The following FGF12 variants were observed in gnomAD, a reference collection of about 807,000 sequenced individuals.
FGF12 encodes fibroblast growth factor 12, also known as fibroblast growth factor 12B.
A neutral mutation model predicts 23.6 loss-of-function variants in FGF12; 14 were observed. The ratio of observed to expected loss-of-function variants is 0.59; its 90% CI spans 0.39 to 0.93. The LOEUF (loss-of-function observed/expected upper bound fraction) is 0.93. Ranked by LOEUF, FGF12 falls within the 40% of genes least tolerant of loss-of-function variation. FGF12 has a pLI of 0.00. For synonymous variants in FGF12, 62 were observed against 77.3 expected, an observed-to-expected ratio of 0.80 and a Z score of 1.04; for missense variants, 175 against 217.8, an observed-to-expected ratio of 0.80 and a Z score of 1.24.
At chr3:192,329,134 G>C (rs1373187857) in intron 4 of FGF12, among the ~76,000 whole-genome samples, 3 of 152,168 alleles carry the variant, frequency 2.0e-5, no homozygotes, top group Non-Finnish European at 4.4e-5. Flanking sequence ...ATGTGGCCCA[G>C]ATGGCCCAGA....
At chr3:192,195,212 A>C (rs1406941835) in intron 4 of FGF12, among the ~76,000 whole-genome samples, 1 of 152,112 alleles carries the variant, frequency 6.6e-6, no homozygotes, top group African/African-American at 2.4e-5. Context: ...CTTTTGTGTT[A>C]TTTTTCATGA....
At chr3:192,585,578 T>C (rs530712664) in intron 2 of FGF12, among the ~76,000 whole-genome samples, 1 of 150,480 alleles carries the variant, frequency 6.6e-6, no homozygotes, top group Non-Finnish European at 1.5e-5. Context: ...CCCAAGGAGG[T>C]TGGGCCTGTA....
intron 4 of FGF12, among the ~76,000 whole-genome samples, chr3:192,296,519 C>T (rs1316088453): frequency 6.6e-6 from 1 of 152,120 alleles, no homozygotes. Context: ...ACACTGTGCC[C>T]AGCCTCATTT....
At chr3:192,332,627 G>T (rs1305225834) in intron 4 of FGF12, among the ~76,000 whole-genome samples, 2 of 152,022 alleles carry the variant, frequency 1.3e-5, no homozygotes, top group Non-Finnish European at 2.9e-5. Context: ...GAAATCAAAA[G>T]TAACAAGGGA....
At chr3:192,479,978 G>T (rs1322845619) in intron 2 of FGF12, among the ~76,000 whole-genome samples, 2 of 151,890 alleles carry the variant, frequency 1.3e-5, no homozygotes, top group African/African-American at 2.4e-5. Context: ...ACAAAATTGG[G>T]ATTGAGAAAG....
intron 2 of FGF12, among the ~76,000 whole-genome samples, chr3:192,708,682 T>C (rs574649086): frequency 7.2e-5 from 11 of 152,294 alleles, no homozygotes; most frequent in Non-Finnish European, 1.5e-4. Flanking sequence ...AACTATAGTA[T>C]AGCACAGAAA....
At position 192,514,757 on chromosome 3, in the gene FGF12, T is replaced by G. The variant is rs535872154; in HGVS notation, c.14-154219A>C. On this transcript the variant is annotated intron_variant, in intron 2 of 5. Transcript: ENST00000445105. This position sits in a 1 kb window ranked among gnomAD's most constrained non-coding sequence, Gnocchi z 4.9. ...TTCAGAGAAAGCTCAAGAATCTTCATGGAGAAGCGCGTGTGTGGGGTTGGT... is the reference window on the plus strand; with the variant it reads ...TTCAGAGAAAGCTCAAGAATCTTCAGGGAGAAGCGCGTGTGTGGGGTTGGT... The G allele has an allele frequency of 3.0e-6, 3 of 985,186 alleles. No individual in the cohort carries two copies. The highest frequency in any genetic ancestry group is 6.1e-5 in the Admixed American group (1 of 16,268). 61.0% of individuals were successfully genotyped at this position (985,186 alleles called of 1,614,324 possible).
chr3:192,449,345 A>G (rs1333875298), intron 2 of FGF12, among the ~76,000 whole-genome samples: 4 of 152,134 alleles, frequency 2.6e-5, no homozygotes, highest in African/African-American at 9.7e-5. Flanking sequence ...GAATACTCAC[A>G]AATTGTGGTG....
At chr3:192,583,402 A>G (rs1383545813) in intron 2 of FGF12, among the ~76,000 whole-genome samples, 2 of 152,234 alleles carry the variant, frequency 1.3e-5, no homozygotes, top group African/African-American at 4.8e-5. Context: ...AAATACTGTT[A>G]CCGGTCCTAA....
intron 2 of FGF12, among the ~76,000 whole-genome samples, chr3:192,444,337 C>G (rs192814057): frequency 2.0e-5 from 3 of 152,208 alleles, no homozygotes; most frequent in Non-Finnish European, 2.9e-5. Context: ...TTCACACCTT[C>G]CAACATTTCC....
chr3:192,592,168 A>G (rs899901766), intron 2 of FGF12, among the ~76,000 whole-genome samples: 6 of 151,890 alleles, frequency 4.0e-5, no homozygotes, highest in African/African-American at 1.2e-4. Context: ...GATAGAGTAA[A>G]CAGACATTTT....
intron 4 of FGF12, among the ~76,000 whole-genome samples, chr3:192,239,175 A>T (rs1719464782): frequency 6.6e-6 from 1 of 152,184 alleles, no homozygotes; most frequent in Non-Finnish European, 1.5e-5. Context: ...GATACATAAA[A>T]AGCTAGCTCT....
At position 192,534,829 on chromosome 3, in the gene FGF12, C is replaced by G. The variant is rs375589354; in HGVS notation, c.14-174291G>C. Among the ~76,000 whole-genome samples the G allele has an allele frequency of 2.6e-4, 40 of 152,148 alleles. 1 individual carries two copies. Among genetic ancestry groups the G allele is most frequent in the African/African-American group, 9.2e-4 (38 of 41,520 alleles). On this transcript the variant is annotated intron_variant, in intron 2 of 5. Coordinates refer to ENST00000445105, the MANE Select transcript of FGF12 (RefSeq NM_004113.6). ...CATTTTAAAATTACCGATTTTAGAA[C>G]TATTTAATAATAATAAGATAACTAT...
rs1187174053 is a variant in FGF12 at position 192,423,970 on chromosome 3, C to T, written c.14-63432G>A. 2.0e-5 allele frequency among the ~76,000 whole-genome samples: 3 copies of T among 152,198 alleles called. No individual in the cohort carries two copies. In the East Asian group the frequency reaches 5.8e-4, roughly 29 times the overall value. ...GCTGAGGAAGTGGTCCAAGGTCACACTAGCATTCTAGCTCTGATCTCCGAA... is the reference window on the plus strand; with the variant it reads ...GCTGAGGAAGTGGTCCAAGGTCACATTAGCATTCTAGCTCTGATCTCCGAA... On this transcript the variant is annotated intron_variant, in intron 2 of 5. Coordinates refer to ENST00000445105, the MANE Select transcript of FGF12 (RefSeq NM_004113.6).
Position 192,640,786 on chromosome 3 carries a change from A to AC in FGF12, c.13+86394dup, listed in dbSNP as rs376426437. The stretch of plus-strand genomic sequence containing the variant: ...ATTTTTGTATAGGCTGAGAGTTAAA[A>AC]CCCCTTTTTTTTGTTTGTTTGTTTG... On this transcript the variant is annotated intron_variant, in intron 2 of 5. Coordinates refer to ENST00000445105, the MANE Select transcript of FGF12 (RefSeq NM_004113.6). 3.3e-3 allele frequency among the ~76,000 whole-genome samples: 452 copies of AC among 137,406 alleles called. 1 individual carries two copies. The highest frequency in any genetic ancestry group is 0.011 in the African/African-American group (421 of 36,756). The allele number at this position is 137,406 out of a possible 152,430, so 90.1% of individuals were successfully genotyped here.
chr3:192,544,627 G>T (rs1022436023), intron 2 of FGF12, among the ~76,000 whole-genome samples: 2 of 152,070 alleles, frequency 1.3e-5, no homozygotes, highest in African/African-American at 4.8e-5. Flanking sequence ...AAAACATATA[G>T]ATTTCTCTCT....
intron 2 of FGF12, among the ~76,000 whole-genome samples, chr3:192,680,968 T>C (rs1242333826): frequency 1.3e-5 from 2 of 152,218 alleles, no homozygotes; most frequent in Admixed American, 6.5e-5. Flanking sequence ...TAAAGACATT[T>C]AGTAAGGGCC....
rs76964121 is a variant in FGF12, at chr3:192,676,168, C to T, written c.13+51013G>A. 7.5e-3 allele frequency among the ~76,000 whole-genome samples: 1,148 copies of T among 152,296 alleles called. 18 individuals carry two copies. Among genetic ancestry groups the T allele is most frequent in the African/African-American group, 0.027 (1,122 of 41,564 alleles). On this transcript the variant is annotated intron_variant, in intron 2 of 5. Coordinates refer to ENST00000445105, the MANE Select transcript of FGF12 (RefSeq NM_004113.6). Reference sequence around the variant, plus strand: ...TAAAAGCATGACTCAGTTCTTCCTCCCCTCTTGCGATGAGTGCTTGGAATC... The same window carrying T: ...TAAAAGCATGACTCAGTTCTTCCTCTCCTCTTGCGATGAGTGCTTGGAATC...
At chr3:192,596,897 C>T (rs970530312) in intron 2 of FGF12, among the ~76,000 whole-genome samples, 3 of 152,134 alleles carry the variant, frequency 2.0e-5, no homozygotes, top group Non-Finnish European at 2.9e-5. Flanking sequence ...TAAAACTTTG[C>T]AAAGAGGAAG....
Sources: allele counts gnomAD v4.1 joint callset (sites outside exome capture counted in the v4.1 genomes callset), GRCh38; gene constraint gnomAD v4.1.1; non-coding constraint Gnocchi (gnomAD v3.1); transcripts MANE v1.5; gene names NCBI Gene and HGNC (gene_info 2026-07-23, HGNC 2026-07-21).